CHST8: variants seen among roughly 807,000 people sequenced by gnomAD.
The protein encoded by CHST8 is carbohydrate sulfotransferase 8, also known as GALNAC-4-ST1.
In CHST8, 10 loss-of-function variants were observed where a neutral mutation model predicts 15.0. The observed-to-expected ratio is 0.67, with a 90% CI of 0.41 to 1.13. The LOEUF (loss-of-function observed/expected upper bound fraction) is 1.13, where lower values mean the gene tolerates loss of function less well. CHST8 is among the 50% of genes most tolerant of loss of function. The probability of loss-of-function intolerance (pLI) is 0.00; values close to 1 mark genes in which losing one functional copy is unlikely to be tolerated. For synonymous variants in CHST8, 259 were observed against 256.6 expected (o/e 1.01, Z -0.09); for missense variants, 634 against 608.2 (o/e 1.04, Z -0.45).
intron 3 of CHST8, among the ~76,000 whole-genome samples, chr19:33,758,981 G>C (rs1001151257): frequency 6.6e-6 from 1 of 152,052 alleles, no homozygotes; most frequent in African/African-American, 2.4e-5. Context: ...GGGAGTGTGC[G>C]TGTCACCTGG....
At chr19:33,648,285 A>G (rs572518539) in intron 1 of CHST8, among the ~76,000 whole-genome samples, 4 of 152,236 alleles carry the variant, frequency 2.6e-5, no homozygotes, top group Non-Finnish European at 5.9e-5. Flanking sequence ...GTGCAATTCC[A>G]TGGTTTTCAG....
intron 3 of CHST8, among the ~76,000 whole-genome samples, chr19:33,761,080 T>TG (rs577707944): frequency 1.3e-5 from 2 of 152,278 alleles, no homozygotes; most frequent in South Asian, 4.1e-4. Context: ...ACATCCCACG[T>TG]GGGAAGCAGA....
At chr19:33,659,834 G>A (rs1046044238) in intron 1 of CHST8, among the ~76,000 whole-genome samples, 9 of 152,078 alleles carry the variant, frequency 5.9e-5, no homozygotes, top group African/African-American at 1.7e-4. Context: ...AATAAAGAGT[G>A]TTAAAAACTT....
intron 1 of CHST8, among the ~76,000 whole-genome samples, chr19:33,638,426 G>C (rs373493749): frequency 6.6e-6 from 1 of 152,146 alleles, no homozygotes; most frequent in Non-Finnish European, 1.5e-5. Context: ...ATGTCAAGGC[G>C]TTTTTGAAAT....
chr19:33,695,544 G>A (rs958822243), intron 3 of CHST8, among the ~76,000 whole-genome samples: 1 of 152,092 alleles, frequency 6.6e-6, no homozygotes, highest in South Asian at 2.1e-4. Context: ...TACCCAATAT[G>A]TAATCTTTTG....
intron 3 of CHST8, among the ~76,000 whole-genome samples, chr19:33,712,354 G>A (rs1488958339): frequency 1.3e-5 from 2 of 152,200 alleles, no homozygotes; most frequent in African/African-American, 4.8e-5. Context: ...GATTGCAGGG[G>A]TTGCACTCGG....
intron 2 of CHST8, among the ~76,000 whole-genome samples, chr19:33,670,241 TC>T (rs1324547419): frequency 6.6e-6 from 1 of 152,168 alleles, no homozygotes; most frequent in African/African-American, 2.4e-5. Flanking sequence ...TTGCTGTTTT[TC>T]TGATTCTGTG....
chr19:33,686,865 G>C lies in CHST8; in HGVS notation c.-86-2311G>C, dbSNP rs567601516. ...TGCACCCGGGCATGTATGCATATGT[G>C]TGTTATTGAACCCGCGTCTGCTTAG... On this transcript the variant is annotated intron_variant, in intron 2 of 4. Transcript: ENST00000650847. Among the ~76,000 whole-genome samples, 302 of 152,344 alleles carry C rather than the reference G, an allele frequency of 2.0e-3. 1 individual carries two copies. Among genetic ancestry groups the C allele is most frequent in the African/African-American group, 7.0e-3 (292 of 41,584 alleles).
chr19:33,771,814 G>A (rs900203461), intron 4 of CHST8, 143 bp from the exon 5 acceptor site: 1 of 998,594 alleles, frequency 1.0e-6, no homozygotes, highest in Non-Finnish European at 1.5e-6. Flanking sequence ...GGCTCAGACC[G>A]GAGGGGTCTC....
At position 33,723,962 on chromosome 19, in the gene CHST8, G is replaced by A. The variant is rs73926595; in HGVS notation, c.130+34571G>A. On this transcript the variant is annotated intron_variant, in intron 3 of 4. Coordinates refer to ENST00000650847, the MANE Select transcript of CHST8 (RefSeq NM_001127895.2). ...TGAGAGTGGGGAGGAGTAGCTTCCC[G>A]TGGCGAAGGGGTGCTGGTGTGGTTG... Among the ~76,000 whole-genome samples, 742 of 152,300 alleles carry A rather than the reference G, an allele frequency of 4.9e-3. 5 individuals are homozygous for A. The highest frequency in any genetic ancestry group is 0.017 in the African/African-American group (708 of 41,560).
intron 1 of CHST8, among the ~76,000 whole-genome samples, chr19:33,634,466 C>T (rs975030382): frequency 2.6e-5 from 4 of 152,110 alleles, no homozygotes; most frequent in South Asian, 2.1e-4. Flanking sequence ...TTCTTCTGGG[C>T]GGGTTTGAAT....
chr19:33,692,513 C>T (rs974589188), intron 3 of CHST8, among the ~76,000 whole-genome samples: 1 of 152,028 alleles, frequency 6.6e-6, no homozygotes, highest in African/African-American at 2.4e-5. Context: ...GCCTGGGCAA[C>T]ATAGCAAGAC....
At chr19:33,765,788 T>C (rs945135853) in intron 3 of CHST8, among the ~76,000 whole-genome samples, 2 of 152,058 alleles carry the variant, frequency 1.3e-5, no homozygotes, top group African/African-American at 4.8e-5. Context: ...CTTGATCTCT[T>C]GTGGTCTCGC....
intron 1 of CHST8, among the ~76,000 whole-genome samples, chr19:33,647,067 T>C (rs1292586684): frequency 1.3e-5 from 2 of 152,230 alleles, no homozygotes; most frequent in South Asian, 2.1e-4. Context: ...CGCAGTCGTA[T>C]TACAAAGGTG....
At chr19:33,749,762 A>G (rs1974379676) in intron 3 of CHST8, among the ~76,000 whole-genome samples, 1 of 152,082 alleles carries the variant, frequency 6.6e-6, no homozygotes, top group Non-Finnish European at 1.5e-5. Flanking sequence ...CTGCTGAGCC[A>G]GGAGACCCAG....
At chr19:33,728,199 C>T (rs370435119) in intron 3 of CHST8, among the ~76,000 whole-genome samples, 160 of 152,360 alleles carry the variant, frequency 1.1e-3, no homozygotes, top group African/African-American at 3.6e-3. Context: ...AAATTTCATC[C>T]AATCATGTTT....
At chr19:33,735,683 C>T (rs1194569103) in intron 3 of CHST8, among the ~76,000 whole-genome samples, 2 of 152,176 alleles carry the variant, frequency 1.3e-5, no homozygotes, top group Non-Finnish European at 1.5e-5. Flanking sequence ...AAAAATTAGC[C>T]GGGCGTGCTG....
intron 3 of CHST8, among the ~76,000 whole-genome samples, chr19:33,696,540 T>G (rs1446126882): frequency 6.6e-6 from 1 of 152,164 alleles, no homozygotes; most frequent in South Asian, 2.1e-4. Context: ...TTACATGTAA[T>G]AATATATCCA....
intron 3 of CHST8, among the ~76,000 whole-genome samples, chr19:33,700,243 A>G (rs1214232489): frequency 1.3e-5 from 2 of 152,208 alleles, no homozygotes; most frequent in Non-Finnish European, 2.9e-5. Context: ...TATTTCCTAC[A>G]AACCTTGGGA....
Sources: gnomAD v4.1 joint callset for allele counts (sites outside exome capture counted in the v4.1 genomes callset) on GRCh38, gnomAD v4.1.1 for gene constraint, MANE v1.5 for transcripts, NCBI Gene and HGNC (gene_info 2026-07-23, HGNC 2026-07-21) for gene names.